The following CTNNA2 variants were observed in gnomAD, a reference collection of about 807,000 sequenced individuals.
The protein encoded by CTNNA2 is catenin alpha-2.
Under a neutral mutation model 101.0 loss-of-function variants are expected in CTNNA2, and 42 were observed. That is an observed-to-expected ratio of 0.42 (90% confidence interval 0.32 to 0.54). The LOEUF (loss-of-function observed/expected upper bound fraction) is 0.54, where lower values mean the gene tolerates loss of function less well. Among genes scored for constraint, CTNNA2 ranks in the 20% least tolerant of loss-of-function variants. The pLI, the probability that CTNNA2 is intolerant of heterozygous loss-of-function variation, is 0.14. For synonymous variants in CTNNA2, 450 were observed against 456.4 expected (o/e 0.99, Z 0.18); for missense variants, 871 against 1,223.1 (o/e 0.71, Z 4.29).
chr2:80,572,472 C>A (rs59624319), intron 12 of CTNNA2, among the ~76,000 whole-genome samples: 8 of 152,148 alleles, frequency 5.3e-5, no homozygotes, highest in Non-Finnish European at 1.0e-4. Flanking sequence ...AGAACTATAA[C>A]ATCACTGATG....
intron 1 of CTNNA2, among the ~76,000 whole-genome samples, chr2:79,585,487 G>T (rs1038892902): frequency 2.8e-4 from 43 of 151,794 alleles, no homozygotes; most frequent in African/African-American, 9.7e-4. Context: ...TATATATTTG[G>T]CTTTTATTCT....
At chr2:79,286,639 G>A (rs892758993) in intron 2 of CTNNA2, among the ~76,000 whole-genome samples, 10 of 152,194 alleles carry the variant, frequency 6.6e-5, no homozygotes, top group Non-Finnish European at 1.2e-4. Flanking sequence ...AGTCTAATGG[G>A]CTTCCCTTTG....
chr2:80,541,360 G>T (rs1691540485), intron 9 of CTNNA2, among the ~76,000 whole-genome samples: 1 of 152,176 alleles, frequency 6.6e-6, no homozygotes, highest in Non-Finnish European at 1.5e-5. Flanking sequence ...TTATGGATCA[G>T]TACAATTAAA....
chr2:80,335,301 G>A (rs1671675992), intron 7 of CTNNA2, among the ~76,000 whole-genome samples: 1 of 152,168 alleles, frequency 6.6e-6, no homozygotes, highest in Admixed American at 6.5e-5. Flanking sequence ...ATAAAAAATA[G>A]AACCTCCAGT....
chr2:79,395,365 A>G (rs1214663662), intron 4 of CTNNA2, among the ~76,000 whole-genome samples: 2 of 151,952 alleles, frequency 1.3e-5, no homozygotes, highest in African/African-American at 2.4e-5. Context: ...AGCATTAGGT[A>G]TATCTCCTAA....
rs142826637 is a variant in CTNNA2, at chr2:80,321,427, C to T, written c.1057-71784C>T. On this transcript the variant is annotated intron_variant, in intron 7 of 18. Transcript: ENST00000402739. ...CACTCCCAGTACAGTGTATATTGAA[C>T]GGAGTACAGATGCTGGGGGAAGTAC... Among the ~76,000 whole-genome samples the T allele has an allele frequency of 2.0e-4, 31 of 152,232 alleles. No homozygotes were observed. In the East Asian group the frequency reaches 4.2e-3, roughly 21 times the overall value.
At chr2:80,210,017 G>T (rs1049906614) in intron 7 of CTNNA2, among the ~76,000 whole-genome samples, 11 of 152,094 alleles carry the variant, frequency 7.2e-5, no homozygotes, top group Non-Finnish European at 1.5e-4. Flanking sequence ...CTTTTCCCTT[G>T]CAAGAATAAA....
chr2:80,100,924 G>T (rs1343310745), intron 7 of CTNNA2, among the ~76,000 whole-genome samples: 1 of 152,146 alleles, frequency 6.6e-6, no homozygotes, highest in Non-Finnish European at 1.5e-5. Flanking sequence ...TGTCAGTCTA[G>T]GAGTCTGCTA....
At chr2:79,714,007 A>G (rs1415688937) in intron 2 of CTNNA2, among the ~76,000 whole-genome samples, 5 of 152,086 alleles carry the variant, frequency 3.3e-5, no homozygotes, top group Admixed American at 6.5e-5. Context: ...GATCCTTGAC[A>G]TGGGCTTTAC....
intron 2 of CTNNA2, among the ~76,000 whole-genome samples, chr2:79,724,991 C>A (rs1473722310): frequency 1.3e-5 from 2 of 151,972 alleles, no homozygotes; most frequent in African/African-American, 2.4e-5. Context: ...CATGTCACAG[C>A]AAGTAGGAGC....
At position 79,427,630 on chromosome 2, in the gene CTNNA2, A is replaced by T. The variant is rs13397944; in HGVS notation, c.-135+53617A>T. On this transcript the variant is annotated intron_variant, in intron 4 of 21. Transcript: ENST00000466387. ...CGTTCTTTCTTTAATATTAAAAAAAAAATAATAACTGTACTCAATCCTCCA... is the reference window on the plus strand; with the variant it reads ...CGTTCTTTCTTTAATATTAAAAAAATAATAATAACTGTACTCAATCCTCCA... Among the ~76,000 whole-genome samples, 377 of 148,584 alleles carry T rather than the reference A, an allele frequency of 2.5e-3. 3 individuals are homozygous for T. Among genetic ancestry groups the T allele is most frequent in the South Asian group, 6.3e-3 (29 of 4,634 alleles).
chr2:80,516,554 G>T (rs936864224), intron 9 of CTNNA2, among the ~76,000 whole-genome samples: 1 of 152,142 alleles, frequency 6.6e-6, no homozygotes, highest in African/African-American at 2.4e-5. Context: ...TTCAAACATG[G>T]TTAAGCACGT....
intron 3 of CTNNA2, among the ~76,000 whole-genome samples, chr2:79,755,608 A>C (rs1672345212): frequency 6.6e-6 from 1 of 152,106 alleles, no homozygotes; most frequent in Non-Finnish European, 1.5e-5. Flanking sequence ...GTCCATGAAA[A>C]TTCATCTTGA....
chr2:79,656,483 A>C (rs1311393118), intron 2 of CTNNA2, among the ~76,000 whole-genome samples: 1 of 152,146 alleles, frequency 6.6e-6, no homozygotes, highest in Non-Finnish European at 1.5e-5. Flanking sequence ...AACAGAAGTT[A>C]TGGGGTTCTG....
chr2:80,185,885 G>C (rs906428352), intron 7 of CTNNA2, among the ~76,000 whole-genome samples: 2 of 152,200 alleles, frequency 1.3e-5, no homozygotes, highest in African/African-American at 4.8e-5. Flanking sequence ...ATGCCACCAT[G>C]ATCATGATTT....
chr2:80,546,566 C>CTT (rs1692083403), intron 11 of CTNNA2, among the ~76,000 whole-genome samples: 1 of 152,158 alleles, frequency 6.6e-6, no homozygotes, highest in Non-Finnish European at 1.5e-5. Flanking sequence ...GCTATCAAGG[C>CTT]TTTGAGCACT....
intron 2 of CTNNA2, among the ~76,000 whole-genome samples, chr2:79,257,164 TA>T (rs1235375460): frequency 3.9e-5 from 6 of 152,160 alleles, no homozygotes; most frequent in Admixed American, 1.3e-4. Context: ...ATGTCCATAG[TA>T]AAAGTTAAGA....
chr2:79,681,298 T>A (rs1249394698), intron 2 of CTNNA2, among the ~76,000 whole-genome samples: 1 of 152,214 alleles, frequency 6.6e-6, no homozygotes, highest in Non-Finnish European at 1.5e-5. Flanking sequence ...TTGAAAGATT[T>A]TCCTACTTTT....
intron 7 of CTNNA2, among the ~76,000 whole-genome samples, chr2:80,230,520 G>A (rs1709145346): frequency 6.6e-6 from 1 of 151,914 alleles, no homozygotes; most frequent in South Asian, 2.1e-4. Context: ...ACAGTTTGTG[G>A]CATTTATCAG....
Sources: gnomAD v4.1 joint callset for allele counts (sites outside exome capture counted in the v4.1 genomes callset) on GRCh38, gnomAD v4.1.1 for gene constraint, MANE v1.5 for transcripts, NCBI Gene and HGNC (gene_info 2026-07-23, HGNC 2026-07-21) for gene names.